The following AKAP3 variants were observed in gnomAD, a reference collection of about 807,000 sequenced individuals.
AKAP3 encodes the protein A-kinase anchoring protein 3.
In AKAP3, 27 loss-of-function variants were observed where a neutral mutation model predicts 57.2. That is an observed-to-expected ratio of 0.47 (90% CI 0.35 to 0.65). The LOEUF is 0.65. AKAP3 is among the 30% of genes least tolerant of loss of function. The pLI is 0.01. For missense variants in AKAP3, 959 were observed against 1,040.0 expected (o/e 0.92, Z 1.07); for synonymous variants, 334 against 392.3 (o/e 0.85, Z 1.76).
chr12:4,630,797 T>A (rs1423352543), intron 4 of AKAP3, among the ~76,000 whole-genome samples: 3 of 152,224 alleles, frequency 2.0e-5, no homozygotes, highest in Non-Finnish European at 4.4e-5. Context: ...TCTTCCACTG[T>A]AGAGAAGGTC....
intron 4 of AKAP3, among the ~76,000 whole-genome samples, chr12:4,633,076 A>G (rs1945518595): frequency 6.6e-6 from 1 of 151,762 alleles, no homozygotes; most frequent in Admixed American, 6.6e-5. Context: ...AAGCCTTACT[A>G]TAGTGCAGCT....
At chr12:4,644,226 A>G (rs971537681) in intron 2 of AKAP3, among the ~76,000 whole-genome samples, 2 of 152,198 alleles carry the variant, frequency 1.3e-5, no homozygotes, top group African/African-American at 4.8e-5. Context: ...CTGTTAGTAT[A>G]GATACTTTCA....
chr12:4,624,067 TTTG>T (rs1454878167), intron 5 of AKAP3, among the ~76,000 whole-genome samples: 295 of 152,286 alleles, frequency 1.9e-3, no homozygotes, highest in African/African-American at 6.2e-3. Context: ...TGTGAATACA[TTTG>T]AATCTGTGCA....
intron 2 of AKAP3, among the ~76,000 whole-genome samples, chr12:4,644,584 A>G: frequency 6.6e-6 from 1 of 152,206 alleles, no homozygotes; most frequent in East Asian, 1.9e-4. Flanking sequence ...GGAGAGGTTC[A>G]CTTATTTCCA....
rs985231347 is a variant in AKAP3 at position 4,625,750 on chromosome 12, G to A, written c.2406+746C>T. 2.0e-5 allele frequency among the ~76,000 whole-genome samples: 3 copies of A among 151,708 alleles called. No individual in the cohort carries two copies. Among genetic ancestry groups the A allele is most frequent in the Non-Finnish European group, 4.4e-5 (3 of 67,910 alleles). On this transcript the variant is annotated intron_variant, in intron 5 of 5. Transcript: ENST00000228850. This position sits in a 1 kb window ranked among gnomAD's most constrained non-coding sequence, Gnocchi z 5.4. ...GCGAGAAGGCAGAGAGGAGAGAGAA[G>A]AGAAGGTTGTAGGGATGGTCTTTTT...
chr12:4,641,679 A>G (rs947004664), intron 3 of AKAP3, among the ~76,000 whole-genome samples: 1 of 152,226 alleles, frequency 6.6e-6, no homozygotes, highest in Non-Finnish European at 1.5e-5. Context: ...TTGGCCAAAG[A>G]ATTGGAAGAC....
intron 4 of AKAP3, among the ~76,000 whole-genome samples, chr12:4,634,783 T>C (rs915824445): frequency 1.3e-5 from 2 of 151,702 alleles, no homozygotes; most frequent in African/African-American, 2.4e-5. Flanking sequence ...TTAGATGCCA[T>C]TAACGCTCTT....
At chr12:4,636,133 T>G in intron 4 of AKAP3, 1 of 908,200 alleles carries the variant, frequency 1.1e-6, no homozygotes, top group African/African-American at 1.7e-5. Flanking sequence ...ATTTGAGCCA[T>G]AGGGTCTTGC....
intron 4 of AKAP3, among the ~76,000 whole-genome samples, chr12:4,632,286 T>C (rs1362686680): frequency 6.6e-6 from 1 of 152,208 alleles, no homozygotes; most frequent in East Asian, 1.9e-4. Context: ...AGAGGTGGTA[T>C]AAGGGGTGTA....
intron 4 of AKAP3, chr12:4,636,115 T>C: frequency 2.0e-6 from 2 of 1,015,854 alleles, no homozygotes; most frequent in Non-Finnish European, 3.1e-6. Flanking sequence ...GCATATTTTA[T>C]TTCCAGTATT....
intron 1 of AKAP3, chr12:4,645,618 G>T (rs1401489340): frequency 1.3e-5 from 2 of 152,136 alleles, no homozygotes; most frequent in Admixed American, 6.5e-5. Flanking sequence ...CTCATAAGGA[G>T]TGCACAACGT....
intron 4 of AKAP3, among the ~76,000 whole-genome samples, chr12:4,629,659 TC>T (rs1395505388): frequency 2.6e-5 from 4 of 152,216 alleles, no homozygotes; most frequent in African/African-American, 9.6e-5. Flanking sequence ...CTGACAGTCA[TC>T]AGCTAGATAG....
chr12:4,632,771 G>C (rs904850205), intron 4 of AKAP3, among the ~76,000 whole-genome samples: 8 of 152,080 alleles, frequency 5.3e-5, no homozygotes, highest in Non-Finnish European at 1.0e-4. Context: ...CTCCCGAGTA[G>C]CTGGGACTAC....
chr12:4,626,989 G>A lies in AKAP3; in HGVS notation c.1913C>T (p.Pro638Leu), dbSNP rs532862833. The A allele has an allele frequency of 8.1e-6, 13 of 1,614,070 alleles. No homozygotes were observed. The highest frequency in any genetic ancestry group is 9.3e-6 in the Non-Finnish European group (11 of 1,179,998). ...GGTCTCATCATCCTCATATAGCCTG[G>A]GGGGAGAAGACGCCAACGGTCTTTC... Reference protein sequence around the residue: ...LCERPLASSPPRLYEDDETPG... With the variant: ...LCERPLASSPLRLYEDDETPG... The change falls in exon 5 of 6, where the codon CCC (proline) becomes CTC (leucine). Residue 638 changes from proline (P) to leucine (L), a missense_variant. Pro to Leu is a moderately conservative substitution (Grantham distance 98). Coordinates refer to ENST00000228850, the MANE Select transcript of AKAP3 (RefSeq NM_001278309.2).
chr12:4,648,818 C>T lies in AKAP3; in HGVS notation c.-318G>A, dbSNP rs1027986488. The T allele has an allele frequency of 2.9e-5, 10 of 350,342 alleles. No individual in the cohort carries two copies. Among genetic ancestry groups the T allele is most frequent in the Non-Finnish European group, 4.2e-5 (8 of 192,694 alleles). The allele number at this position is 350,342 out of a possible 1,614,324, so 21.7% of individuals were successfully genotyped here. On this transcript the variant is annotated 5_prime_UTR_variant, in exon 1 of 6. Transcript: ENST00000228850. ...TCAGGAAAGGTGAGCTCTTCTACCT[C>T]GGGTCTTGCCATTTTGCATGTCCTG...
chr12:4,644,377 G>A (rs1205897753), intron 2 of AKAP3, among the ~76,000 whole-genome samples: 2 of 152,176 alleles, frequency 1.3e-5, no homozygotes, highest in Non-Finnish European at 2.9e-5. Context: ...GCACTGGAAA[G>A]AAAATAAATT....
intron 1 of AKAP3, among the ~76,000 whole-genome samples, chr12:4,647,202 CT>C (rs1945710232): frequency 6.6e-6 from 1 of 152,138 alleles, no homozygotes; most frequent in Non-Finnish European, 1.5e-5. Context: ...ACATATAGCA[CT>C]TTACGGGTGA....
Position 4,626,998 on chromosome 12 carries a change from G to T in AKAP3, c.1904C>A (p.Ser635Tyr), listed in dbSNP as rs149428270. The T allele has an allele frequency of 4.1e-4, 660 of 1,614,132 alleles. 2 individuals are homozygous for T. In the African/African-American group the frequency reaches 7.4e-3, roughly 18 times the overall value. Residue 635 changes from serine to tyrosine, a missense_variant, in exon 5 of 6, where the codon TCT (serine) becomes TAT (tyrosine). Coordinates refer to ENST00000228850, the MANE Select transcript of AKAP3 (RefSeq NM_001278309.2). ...ATCCTCATATAGCCTGGGGGGAGAA[G>T]ACGCCAACGGTCTTTCACACAACTT... Reference protein sequence around the residue: ...DRKLCERPLASSPPRLYEDDE... With the variant: ...DRKLCERPLAYSPPRLYEDDE...
chr12:4,626,670 T>C lies in AKAP3; in HGVS notation c.2232A>G (p.Thr744=). ...YQAIHNEMRG[T]SGQPPEGCAA... ...CACACCCTTCAGGGGGCTGTCCTGA[T>C]GTGCCTCTCATTTCATTATGGATAG... is the stretch of plus-strand genomic sequence containing the variant. Residue 744 remains threonine, a synonymous_variant, in exon 5 of 6, where the codon ACA becomes ACG. Coordinates refer to ENST00000228850, the MANE Select transcript of AKAP3 (RefSeq NM_001278309.2). 1 of 1,614,232 alleles carries C rather than the reference T, an allele frequency of 6.2e-7. No individual in the cohort carries two copies. Among genetic ancestry groups the C allele is most frequent in the Non-Finnish European group, 8.5e-7 (1 of 1,180,036 alleles).
Sources: allele counts gnomAD v4.1 joint callset (sites outside exome capture counted in the v4.1 genomes callset), GRCh38; gene constraint gnomAD v4.1.1; non-coding constraint Gnocchi (gnomAD v3.1); transcripts MANE v1.5; gene names NCBI Gene and HGNC (gene_info 2026-07-23, HGNC 2026-07-21).